MAP4: variants seen among roughly 807,000 people sequenced by gnomAD.
The protein encoded by MAP4 is microtubule-associated protein 4.
In MAP4, 76 loss-of-function variants were observed where a neutral mutation model predicts 170.2. The ratio of observed to expected loss-of-function variants is 0.45; its 90% CI spans 0.37 to 0.54. The LOEUF (loss-of-function observed/expected upper bound fraction) is 0.54. Among genes scored for constraint, MAP4 ranks in the 20% least tolerant of loss-of-function variants. The pLI, the probability that MAP4 is intolerant of heterozygous loss-of-function variation, is 0.00. For missense variants in MAP4, 2,506 were observed against 2,748.0 expected (o/e 0.91, Z 1.97); for synonymous variants, 909 against 994.5 (o/e 0.91, Z 1.62).
At chr3:48,002,506 G>A (rs1260087365) in intron 1 of MAP4, among the ~76,000 whole-genome samples, 1 of 152,080 alleles carries the variant, frequency 6.6e-6, no homozygotes, top group African/African-American at 2.4e-5. Flanking sequence ...AGACTGCAGT[G>A]AGCCATGATT....
chr3:47,858,697 G>T (rs1383287513), intron 17 of MAP4, among the ~76,000 whole-genome samples: 3 of 151,836 alleles, frequency 2.0e-5, no homozygotes, highest in African/African-American at 7.3e-5. Flanking sequence ...CCAGCCAGGT[G>T]CAGTGGGTCA....
intron 10 of MAP4, among the ~76,000 whole-genome samples, chr3:47,893,745 A>G (rs1055515158): frequency 6.6e-6 from 1 of 152,140 alleles, no homozygotes; most frequent in Non-Finnish European, 1.5e-5. Flanking sequence ...AAGATGAAGA[A>G]AAGATTTAGA....
Position 47,867,294 on chromosome 3 carries a change from G to A in MAP4, c.6453C>T (p.Ser2151=), listed in dbSNP as rs866993012. The change falls in exon 17 of 21, where the codon TCC becomes TCT. Residue 2151 remains serine (S), a synonymous_variant. Coordinates refer to ENST00000683076, the MANE Select transcript of MAP4 (RefSeq NM_001385682.1). ...TAATATTGTCCTTGGAACCACACTT[G>A]GACTGAATATGGCTGTAGCTCACTT... ...SKKVSYSHIQ[S]KCGSKDNIKH... 6.2e-7 allele frequency: 1 copy of A among 1,613,728 alleles called. No individual in the cohort carries two copies. The highest frequency in any genetic ancestry group is 8.5e-7 in the Non-Finnish European group (1 of 1,179,754).
At position 47,973,271 on chromosome 3, in the gene MAP4, A is replaced by G. The variant is rs562747766; in HGVS notation, c.292+4594T>C. The G allele has an allele frequency of 2.1e-3, 2,106 of 985,090 alleles. 5 individuals are homozygous for G. The highest frequency in any genetic ancestry group is 2.3e-3 in the South Asian group (50 of 21,286). The allele number at this position is 985,090 out of a possible 1,614,324, so 61.0% of individuals were successfully genotyped here. On this transcript the variant is annotated intron_variant, in intron 3 of 20. Coordinates refer to ENST00000683076, the MANE Select transcript of MAP4 (RefSeq NM_001385682.1). ...ACATTGGGCCAAAAAAGGAAAAAAA[A>G]AGAGAGAGAGAAAGAGAAAGAAGGC...
chr3:47,959,843 G>T (rs944378562), intron 3 of MAP4, among the ~76,000 whole-genome samples: 1 of 151,794 alleles, frequency 6.6e-6, no homozygotes, highest in African/African-American at 2.4e-5. Flanking sequence ...AAAGGAAGAT[G>T]AATATAAATG....
At chr3:47,978,021 CACTCT>C (rs1278381244) in intron 2 of MAP4, 88 bp from the exon 3 acceptor site, 8 of 863,316 alleles carry the variant, frequency 9.3e-6, no homozygotes, top group African/African-American at 1.7e-5. Flanking sequence ...GAGTTTTTCT[CACTCT>C]TTGTAGCATT....
chr3:47,881,285 C>T (rs2096660955), intron 10 of MAP4, among the ~76,000 whole-genome samples: 4 of 150,406 alleles, frequency 2.7e-5, no homozygotes, highest in Admixed American at 2.7e-4. Context: ...TTCCTCTCTA[C>T]AAAAATCGAA....
intron 1 of MAP4, among the ~76,000 whole-genome samples, chr3:48,052,349 T>G (rs558856132): frequency 3.3e-5 from 5 of 152,238 alleles, no homozygotes; most frequent in African/African-American, 1.2e-4. Flanking sequence ...GCCTCCCGAG[T>G]AGCTGGGATT....
rs1047934041 is a variant in MAP4 at position 47,875,945 on chromosome 3, G to A, written c.5542-45C>T. ...TATTTTTTATTTTTATTTTTTAAAGGGCAACATCAAACAGACAAGAATAAA... is the reference window on the plus strand; with the variant it reads ...TATTTTTTATTTTTATTTTTTAAAGAGCAACATCAAACAGACAAGAATAAA... On this transcript the variant is annotated intron_variant, in intron 11 of 20. Coordinates refer to ENST00000683076, the MANE Select transcript of MAP4 (RefSeq NM_001385682.1). The A allele has an allele frequency of 6.7e-6, 9 of 1,337,568 alleles. No individual in the cohort carries two copies. The African/African-American group carries it at 1.3e-4, about 20-fold the overall frequency. 82.9% of individuals were successfully genotyped at this position (1,337,568 alleles called of 1,614,324 possible).
At chr3:47,978,495 T>C (rs1242655588) in intron 2 of MAP4, among the ~76,000 whole-genome samples, 8 of 152,124 alleles carry the variant, frequency 5.3e-5, no homozygotes, top group Non-Finnish European at 1.0e-4. Flanking sequence ...TTTTTGTATT[T>C]TTAGTAGAAA....
At chr3:47,942,642 A>G (rs1228297970) in intron 3 of MAP4, among the ~76,000 whole-genome samples, 1 of 152,208 alleles carries the variant, frequency 6.6e-6, no homozygotes, top group Non-Finnish European at 1.5e-5. Flanking sequence ...TGTAAGTAAC[A>G]CATGTGAGAA....
intron 1 of MAP4, among the ~76,000 whole-genome samples, chr3:48,060,558 G>A (rs1234345923): frequency 6.6e-6 from 1 of 152,048 alleles, no homozygotes; most frequent in East Asian, 1.9e-4. Flanking sequence ...TAAGAGAATA[G>A]AAACTCAACA....
At chr3:47,872,213 T>G in intron 12 of MAP4, 113 bp from the exon 13 acceptor site, 2 of 1,002,912 alleles carry the variant, frequency 2.0e-6, no homozygotes, top group Non-Finnish European at 2.9e-6. Flanking sequence ...AGACGAAGTC[T>G]CACTCTGTTG....
intron 1 of MAP4, among the ~76,000 whole-genome samples, chr3:48,055,174 A>G (rs938849195): frequency 2.8e-5 from 4 of 144,050 alleles, no homozygotes; most frequent in African/African-American, 1.1e-4. Flanking sequence ...TTTCTTTAAA[A>G]AGTCTCCCTC....
chr3:47,929,152 C>T (rs1399614287), intron 3 of MAP4, among the ~76,000 whole-genome samples: 3 of 152,040 alleles, frequency 2.0e-5, no homozygotes, highest in African/African-American at 2.4e-5. Context: ...GTCAGGAGTT[C>T]GAGACCAGCC....
chr3:48,058,312 G>A (rs1298579994), intron 1 of MAP4, among the ~76,000 whole-genome samples: 1 of 152,198 alleles, frequency 6.6e-6, no homozygotes. Context: ...CGGCTGGCCA[G>A]CCTGCGAGGC....
chr3:47,963,009 GC>G (rs891528857), intron 3 of MAP4, among the ~76,000 whole-genome samples: 4 of 152,150 alleles, frequency 2.6e-5, no homozygotes, highest in African/African-American at 9.7e-5. Flanking sequence ...GGCCAGGCTT[GC>G]CAGTTTTTTG....
intron 1 of MAP4, among the ~76,000 whole-genome samples, chr3:48,025,349 T>G (rs1048560476): frequency 6.7e-6 from 1 of 150,326 alleles, no homozygotes; most frequent in Non-Finnish European, 1.5e-5. Context: ...AGTGCAATGG[T>G]GCGATCTCGG....
At chr3:48,019,169 C>A (rs2100109306), upstream of MAP4, among the ~76,000 whole-genome samples, 1 of 151,960 alleles carries the variant, frequency 6.6e-6, no homozygotes, top group Non-Finnish European at 1.5e-5. Context: ...AAGACACCAT[C>A]TCTACAAAAA....
Sources: gnomAD v4.1 joint callset for allele counts (sites outside exome capture counted in the v4.1 genomes callset) on GRCh38, gnomAD v4.1.1 for gene constraint, MANE v1.5 for transcripts, NCBI Gene and HGNC (gene_info 2026-07-23, HGNC 2026-07-21) for gene names.